PCCA: variants seen among roughly 807,000 people sequenced by gnomAD.
PCCA encodes the protein propionyl-CoA carboxylase alpha chain, mitochondrial.
PCCA carries 74 observed loss-of-function variants against 101.3 expected under a neutral mutation model. That is an observed-to-expected ratio of 0.73 (90% CI 0.61 to 0.89). The LOEUF (loss-of-function observed/expected upper bound fraction) is 0.89. Ranked by LOEUF, PCCA falls within the 40% of genes least tolerant of loss-of-function variation. The pLI, the probability that PCCA is intolerant of heterozygous loss-of-function variation, is 0.00. For synonymous variants in PCCA, 294 were observed against 313.6 expected (o/e 0.94, Z 0.66); for missense variants, 891 against 907.0 (o/e 0.98, Z 0.23).
chr13:100,244,590 C>T (rs187294846), intron 8 of PCCA, among the ~76,000 whole-genome samples: 50 of 152,094 alleles, frequency 3.3e-4, no homozygotes, highest in African/African-American at 1.1e-3. Context: ...TGTGGAAACA[C>T]ATTGTAATGT....
At chr13:100,150,563 C>A (rs529757277) in intron 4 of PCCA, 9 of 1,257,916 alleles carry the variant, frequency 7.2e-6, no homozygotes, top group South Asian at 1.2e-5. Context: ...GTGGAACTTA[C>A]GGCCGTTTCC....
At chr13:100,494,114 A>G (rs1170908763) in intron 21 of PCCA, among the ~76,000 whole-genome samples, 1 of 151,440 alleles carries the variant, frequency 6.6e-6, no homozygotes, top group Non-Finnish European at 1.5e-5. Context: ...GCTTGAAACC[A>G]GGAGGTGGAG....
At chr13:100,376,042 A>ATTGATG (rs1157184128) in intron 19 of PCCA, among the ~76,000 whole-genome samples, 3 of 151,930 alleles carry the variant, frequency 2.0e-5, no homozygotes, top group Non-Finnish European at 4.4e-5. Context: ...CCTCCTTTTT[A>ATTGATG]TTGATGTTGA....
intron 19 of PCCA, among the ~76,000 whole-genome samples, chr13:100,424,393 A>G (rs1479105639): frequency 6.6e-6 from 1 of 152,082 alleles, no homozygotes; most frequent in Non-Finnish European, 1.5e-5. Context: ...AGTTCCCCAT[A>G]CTGTGTGGTC....
At chr13:100,255,241 T>A (rs917772315) in intron 8 of PCCA, among the ~76,000 whole-genome samples, 5 of 152,204 alleles carry the variant, frequency 3.3e-5, no homozygotes, top group African/African-American at 1.2e-4. Flanking sequence ...CACAATGCCT[T>A]ATTATATATT....
At chr13:100,413,018 A>T (rs958608677) in intron 19 of PCCA, among the ~76,000 whole-genome samples, 1 of 152,208 alleles carries the variant, frequency 6.6e-6, no homozygotes, top group African/African-American at 2.4e-5. Flanking sequence ...GTATGTACAT[A>T]TTAGGAATAA....
intron 17 of PCCA, among the ~76,000 whole-genome samples, chr13:100,332,423 A>T (rs999223160): frequency 1.3e-5 from 2 of 152,178 alleles, no homozygotes; most frequent in African/African-American, 4.8e-5. Flanking sequence ...GTGATAAGAT[A>T]GGAAACAGTG....
intron 2 of PCCA, among the ~76,000 whole-genome samples, chr13:100,103,627 A>T (rs1294054912): frequency 6.8e-6 from 1 of 146,766 alleles, no homozygotes; most frequent in Non-Finnish European, 1.5e-5. Flanking sequence ...TTTACTTAAT[A>T]TTTATATTAT....
chr13:100,309,212 T>A (rs1366093579), intron 15 of PCCA, among the ~76,000 whole-genome samples: 3 of 152,118 alleles, frequency 2.0e-5, no homozygotes, highest in Non-Finnish European at 2.9e-5. Flanking sequence ...CAGGCCAACA[T>A]GGCAAAACCC....
Position 100,506,715 on chromosome 13 carries a change from A to AG in PCCA, c.1900-8710dup, listed in dbSNP as rs553791870. 1.6e-4 allele frequency among the ~76,000 whole-genome samples: 25 copies of AG among 152,244 alleles called. No homozygotes were observed. The South Asian group carries it at 5.2e-3, about 32-fold the overall frequency. On this transcript the variant is annotated intron_variant, in intron 21 of 23. Transcript: ENST00000376285. ...AGAGCTCCCCATCTTTTTTCCCCAA[A>AG]GGTCATTCATTCTGACAGCATGACT...
intron 21 of PCCA, chr13:100,491,504 AAAG>A: frequency 2.7e-6 from 1 of 376,620 alleles, no homozygotes; most frequent in Non-Finnish European, 4.9e-6. Flanking sequence ...ATTTACCAAA[AAAG>A]AAGAAAATAG....
chr13:100,459,751 C>G (rs567428371), intron 21 of PCCA, among the ~76,000 whole-genome samples: 2 of 152,302 alleles, frequency 1.3e-5, no homozygotes, highest in Admixed American at 1.3e-4. Context: ...AATGAAACAC[C>G]ATTGACCGGG....
At chr13:100,467,724 T>TA (rs779352767) in intron 21 of PCCA, among the ~76,000 whole-genome samples, 6 of 152,214 alleles carry the variant, frequency 3.9e-5, no homozygotes, top group Non-Finnish European at 7.3e-5. Flanking sequence ...GCTCCACTCC[T>TA]AGTTCTTTTG....
intron 6 of PCCA, among the ~76,000 whole-genome samples, chr13:100,163,647 A>G (rs2054724583): frequency 6.6e-6 from 1 of 152,212 alleles, no homozygotes; most frequent in South Asian, 2.1e-4. Context: ...ACCCTTTAAA[A>G]GTATACAATT....
chr13:100,434,237 G>A (rs2079768605), intron 20 of PCCA, among the ~76,000 whole-genome samples: 1 of 152,192 alleles, frequency 6.6e-6, no homozygotes, highest in South Asian at 2.1e-4. Flanking sequence ...TGTCTTTGCG[G>A]GAGAGGAATT....
intron 21 of PCCA, among the ~76,000 whole-genome samples, chr13:100,507,805 C>A (rs542041485): frequency 6.6e-6 from 1 of 151,160 alleles, no homozygotes; most frequent in Non-Finnish European, 1.5e-5. Flanking sequence ...TACAAGCGCC[C>A]ACCACCACGC....
At chr13:100,296,569 A>G (rs1369511206) in intron 12 of PCCA, among the ~76,000 whole-genome samples, 1 of 152,118 alleles carries the variant, frequency 6.6e-6, no homozygotes, top group African/African-American at 2.4e-5. Context: ...TCTTAACTTT[A>G]AATTTTGAAA....
intron 20 of PCCA, among the ~76,000 whole-genome samples, chr13:100,448,500 A>G (rs2081000995): frequency 6.6e-6 from 1 of 152,158 alleles, no homozygotes. Context: ...CCAACAGACC[A>G]GTTTTGTAGG....
chr13:100,491,722 A>C, intron 21 of PCCA: 11 of 1,301,864 alleles, frequency 8.4e-6, no homozygotes, highest in Non-Finnish European at 1.0e-5. Context: ...CTGGCTCAGC[A>C]GGAGGCCTGG....
Sources: allele counts gnomAD v4.1 joint callset (sites outside exome capture counted in the v4.1 genomes callset), GRCh38; gene constraint gnomAD v4.1.1; transcripts MANE v1.5; gene names NCBI Gene and HGNC (gene_info 2026-07-23, HGNC 2026-07-21).